Variants in ANK1 observed in about 807,000 individuals in gnomAD.
ANK1 encodes ankyrin 1, also known as ankyrin-1.
Under a neutral mutation model 210.4 loss-of-function variants are expected in ANK1, and 51 were observed. The observed-to-expected ratio is 0.24, with a 90% CI of 0.19 to 0.31. The LOEUF (loss-of-function observed/expected upper bound fraction) is 0.31. ANK1 is among the 10% of genes least tolerant of loss of function. The pLI is 1.00. For synonymous variants in ANK1, 967 were observed against 1,025.9 expected, an observed-to-expected ratio of 0.94 and a Z score of 1.10; for missense variants, 2,051 against 2,504.4, an observed-to-expected ratio of 0.82 and a Z score of 3.86.
chr8:41,791,242 G>GCTC (rs1563779231), intron 1 of ANK1, among the ~76,000 whole-genome samples: 1 of 111,394 alleles, frequency 9.0e-6, no homozygotes, highest in Non-Finnish European at 1.6e-5. Flanking sequence ...CTCACTCTCA[G>GCTC]CTCACTGCAA....
chr8:41,851,943 G>C (rs910574751), intron 1 of ANK1, among the ~76,000 whole-genome samples: 5 of 152,138 alleles, frequency 3.3e-5, no homozygotes, highest in African/African-American at 9.7e-5. Context: ...CCAGTCCTGA[G>C]CACAAGCAAG....
At chr8:41,662,980 A>G (rs192401509) in intron 40 of ANK1, among the ~76,000 whole-genome samples, 7 of 152,050 alleles carry the variant, frequency 4.6e-5, no homozygotes, top group Admixed American at 4.6e-4. Context: ...CAGTGGCTCA[A>G]TCATAGCTTA....
In ANK1 at chr8:41,694,876, T is replaced by C. The variant is rs1820382047; in HGVS notation, c.3116-73A>G. 1 of 1,495,196 alleles carries C rather than the reference T, an allele frequency of 6.7e-7. No homozygotes were observed. The highest frequency in any genetic ancestry group is 2.3e-5 in the East Asian group (1 of 43,586). The allele number at this position is 1,495,196 out of a possible 1,614,324, so 92.6% of individuals were successfully genotyped here. On this transcript the variant is annotated intron_variant, in intron 27 of 42. Transcript: ENST00000289734. The surrounding 1 kb of genome is among the most constrained non-coding windows in gnomAD (Gnocchi z 5.7). ...TTCAGGACTTCCAGGGGCCCCAGAG[T>C]CTCCTTGTCCCCAAGACCCAGTGCA...
intron 1 of ANK1, among the ~76,000 whole-genome samples, chr8:41,820,061 G>C (rs746248767): frequency 6.6e-6 from 1 of 152,178 alleles, no homozygotes; most frequent in Non-Finnish European, 1.5e-5. Flanking sequence ...CCATCTCTGG[G>C]AGGGAGAGAG....
intron 33 of ANK1, among the ~76,000 whole-genome samples, chr8:41,688,863 G>C (rs181265567): frequency 3.9e-5 from 6 of 152,270 alleles, no homozygotes; most frequent in East Asian, 1.9e-4. Flanking sequence ...TAATGTTCAC[G>C]GCAACCTAAG....
At chr8:41,721,656 CAAAAAAAAAAA>C (rs55653901) in intron 9 of ANK1, among the ~76,000 whole-genome samples, 135 of 108,118 alleles carry the variant, frequency 1.2e-3, no homozygotes, top group Admixed American at 2.1e-3. Context: ...GACTTCATCT[CAAAAAAAAAAA>C]AAAAAAAAAA....
rs199881503 is a variant in ANK1 at position 41,696,352 on chromosome 8, C to T, written c.2960+11G>A. 2.7e-5 allele frequency: 44 copies of T among 1,612,832 alleles called. No homozygotes were observed. The highest frequency in any genetic ancestry group is 1.7e-4 in the Middle Eastern group (1 of 5,922). ...GACAGGGGAGAACACGGGCTGCCCG[C>T]GCAAGCTCACCTCAGGAACTGTGCC... is the stretch of plus-strand genomic sequence containing the variant. On this transcript the variant is annotated intron_variant, in intron 26 of 42. Transcript: ENST00000289734.
chr8:41,747,944 C>T (rs1836595165), intron 2 of ANK1, among the ~76,000 whole-genome samples: 1 of 152,184 alleles, frequency 6.6e-6, no homozygotes, highest in Non-Finnish European at 1.5e-5. Flanking sequence ...CAATAACAGG[C>T]TTGCTGCGCA....
rs34061529 is a variant in ANK1 at position 41,850,377 on chromosome 8, G to GA, written c.126+45977dup. 8.1e-3 allele frequency among the ~76,000 whole-genome samples: 1,187 copies of GA among 146,840 alleles called. 3 individuals carry two copies. The highest frequency in any genetic ancestry group is 0.014 in the Middle Eastern group (4 of 288). On this transcript the variant is annotated intron_variant, in intron 1 of 42. Transcript: ENST00000265709. ...AATCAAAAGTTGTTTCTTCCAGAAA[G>GA]AAAAAAAAAATGACCAAAACAGTAG... is the stretch of plus-strand genomic sequence containing the variant.
chr8:41,690,503 G>A lies in ANK1; in HGVS notation c.3955C>T (p.Arg1319Trp), dbSNP rs113948846. 3.4e-4 allele frequency: 542 copies of A among 1,614,170 alleles called. No homozygotes were observed. The highest frequency in any genetic ancestry group is 6.0e-4 in the Admixed American group (36 of 60,026). Residue 1319 changes from arginine to tryptophan, a missense_variant, in exon 32 of 43, where the codon CGG (arginine) becomes TGG (tryptophan). Physicochemically the swap from Arg to Trp is moderately radical, Grantham distance 101. Coordinates refer to ENST00000289734, the MANE Select transcript of ANK1 (RefSeq NM_000037.4). ...QQRSFHFQSFRENRLAMPVKV... is the reference protein window; with the variant it reads ...QQRSFHFQSFWENRLAMPVKV... ...ACAGGCATGGCCAGACGGTTCTCCCGAAATGACTGGAAGTGGAAGCTCCGC... is the reference window on the plus strand; with the variant it reads ...ACAGGCATGGCCAGACGGTTCTCCCAAAATGACTGGAAGTGGAAGCTCCGC...
At chr8:41,774,305 A>G (rs1416881682) in intron 1 of ANK1, among the ~76,000 whole-genome samples, 25 of 152,218 alleles carry the variant, frequency 1.6e-4, no homozygotes, top group Non-Finnish European at 1.8e-4. Context: ...GTTTAAGCAC[A>G]ATGCTGGCCG....
intron 15 of ANK1, 141 bp downstream of exon 15, chr8:41,714,835 G>C: frequency 1.2e-6 from 1 of 867,186 alleles, no homozygotes; most frequent in Non-Finnish European, 1.9e-6. Context: ...ACTCCAGCCT[G>C]GGCAACAGAG....
At chr8:41,727,526 C>T (rs1394804711) in intron 4 of ANK1, among the ~76,000 whole-genome samples, 178 bp from the exon 5 acceptor site, 1 of 152,166 alleles carries the variant, frequency 6.6e-6, no homozygotes, top group East Asian at 1.9e-4. Context: ...TTACAAAAGG[C>T]CACAGAGGCT....
intron 37 of ANK1, among the ~76,000 whole-genome samples, chr8:41,680,226 T>C (rs1280803069): frequency 6.6e-6 from 1 of 152,152 alleles, no homozygotes. Context: ...TTTCCCACCT[T>C]GAGACTTCCA....
At chr8:41,837,182 C>T (rs975939710) in intron 1 of ANK1, among the ~76,000 whole-genome samples, 1 of 152,230 alleles carries the variant, frequency 6.6e-6, no homozygotes. Flanking sequence ...TTTTAAGTCT[C>T]AGGTGAGACA....
At chr8:41,721,353 C>T (rs895718823) in intron 9 of ANK1, among the ~76,000 whole-genome samples, 2 of 152,140 alleles carry the variant, frequency 1.3e-5, no homozygotes, top group African/African-American at 2.4e-5. Context: ...TGTTCCCTCA[C>T]AGCCTCAGAA....
At chr8:41,805,875 C>T (rs868539786) in intron 1 of ANK1, among the ~76,000 whole-genome samples, 17 of 152,178 alleles carry the variant, frequency 1.1e-4, no homozygotes, top group African/African-American at 3.6e-4. Flanking sequence ...GATCTGGCTT[C>T]GCTTGGATAT....
At chr8:41,732,755 G>A (rs139373564) in intron 3 of ANK1, among the ~76,000 whole-genome samples, 1,909 of 151,100 alleles carry the variant, frequency 0.013, 17 homozygotes, top group Non-Finnish European at 0.021. Context: ...TTGAGATGGA[G>A]TTTCACTCTG....
At chr8:41,656,521 G>A (rs937336178) in intron 42 of ANK1, among the ~76,000 whole-genome samples, 27 of 152,358 alleles carry the variant, frequency 1.8e-4, no homozygotes, top group African/African-American at 4.8e-4. Flanking sequence ...CCTGGGATTC[G>A]CAGTGAGAAA....
Sources: allele counts gnomAD v4.1 joint callset (sites outside exome capture counted in the v4.1 genomes callset), GRCh38; gene constraint gnomAD v4.1.1; non-coding constraint Gnocchi (gnomAD v3.1); transcripts MANE v1.5; gene names NCBI Gene and HGNC (gene_info 2026-07-23, HGNC 2026-07-21).